CYRIB: variants seen among roughly 807,000 people sequenced by gnomAD.
The protein encoded by CYRIB is CYFIP related Rac1 interactor B.
CYRIB carries 8 observed loss-of-function variants against 44.2 expected under a neutral mutation model. The ratio of observed to expected loss-of-function variants is 0.18; its 90% CI spans 0.11 to 0.33. The LOEUF (loss-of-function observed/expected upper bound fraction) is 0.33. CYRIB is among the 10% of genes least tolerant of loss of function. CYRIB has a pLI of 1.00. For missense variants in CYRIB, 185 were observed against 382.8 expected (o/e 0.48, Z 4.31); for synonymous variants, 131 against 127.2 (o/e 1.03, Z -0.20).
exon 11 of CYRIB, chr8:129,846,805 T>G (rs2040296819): frequency 1.3e-6 from 2 of 1,593,598 alleles, no homozygotes; most frequent in Admixed American, 1.9e-5. Flanking sequence ...TATACACACC[T>G]GAGAGCATTT....
chr8:129,977,538 C>CT (rs397973101), intron 1 of CYRIB, among the ~76,000 whole-genome samples: 10,946 of 147,502 alleles, frequency 0.074, 459 homozygotes, highest in African/African-American at 0.13. Flanking sequence ...TGTCCTCACT[C>CT]TTTTTTTTTT....
intron 11 of CYRIB, among the ~76,000 whole-genome samples, chr8:129,842,824 C>T (rs34983967): frequency 0.22 from 33,213 of 152,164 alleles, 4,600 homozygotes; most frequent in East Asian, 0.51. Context: ...TTAATATCTA[C>T]TTACTCTCTG....
At chr8:129,854,483 T>G in intron 6 of CYRIB, 140 bp from the exon 9 acceptor site, 2 of 601,436 alleles carry the variant, frequency 3.3e-6, no homozygotes, top group Non-Finnish European at 5.7e-6. Context: ...ACTGGTATAA[T>G]CCAAGGTGGC....
chr8:129,866,046 T>C (rs74722799), intron 4 of CYRIB, among the ~76,000 whole-genome samples: 290 of 152,332 alleles, frequency 1.9e-3, no homozygotes, highest in African/African-American at 6.3e-3. Flanking sequence ...CAACCCACTC[T>C]GTCCACACTC....
chr8:129,877,731 A>T (rs779451534), intron 3 of CYRIB, among the ~76,000 whole-genome samples: 1 of 151,302 alleles, frequency 6.6e-6, no homozygotes, highest in Non-Finnish European at 1.5e-5. Context: ...CAGATTGGAA[A>T]GCCAAGACCA....
intron 1 of CYRIB, among the ~76,000 whole-genome samples, chr8:129,927,655 C>A (rs968455508): frequency 6.6e-6 from 1 of 152,114 alleles, no homozygotes; most frequent in African/African-American, 2.4e-5. Flanking sequence ...CAGCGACTAC[C>A]TAGGTGGTGA....
chr8:129,916,090 A>G (rs1457862487), intron 1 of CYRIB, among the ~76,000 whole-genome samples: 1 of 152,250 alleles, frequency 6.6e-6, no homozygotes, highest in Non-Finnish European at 1.5e-5. Context: ...TGAGACCCAG[A>G]AAGGTTAAAT....
intron 4 of CYRIB, among the ~76,000 whole-genome samples, chr8:129,869,389 A>C (rs941337462): frequency 7.2e-6 from 1 of 139,280 alleles, no homozygotes; most frequent in African/African-American, 2.9e-5. Context: ...CTCAAAAAAA[A>C]AAAAAAAAAA....
upstream of CYRIB, among the ~76,000 whole-genome samples, chr8:129,941,970 G>A (rs1222304254): frequency 2.0e-5 from 3 of 152,154 alleles, no homozygotes; most frequent in Non-Finnish European, 1.5e-5. Context: ...TTTTCTCTAT[G>A]GAGAGCAATA....
At chr8:129,902,581 A>G (rs1223020383) in intron 2 of CYRIB, among the ~76,000 whole-genome samples, 1 of 152,140 alleles carries the variant, frequency 6.6e-6, no homozygotes, top group East Asian at 1.9e-4. Flanking sequence ...CAGTGATGCA[A>G]TCTTGGCTCA....
At chr8:130,014,914 GA>G in intron 1 of CYRIB, among the ~76,000 whole-genome samples, 1 of 152,348 alleles carries the variant, frequency 6.6e-6, no homozygotes, top group African/African-American at 2.4e-5. Flanking sequence ...CCAGGCCTGG[GA>G]AACCATCCCA....
At chr8:129,972,018 T>C (rs967357647) in intron 1 of CYRIB, among the ~76,000 whole-genome samples, 1 of 152,336 alleles carries the variant, frequency 6.6e-6, no homozygotes. Flanking sequence ...TCTGATTAAA[T>C]CTTTAGCTGC....
intron 2 of CYRIB, among the ~76,000 whole-genome samples, chr8:129,892,129 T>C (rs1455978492): frequency 1.3e-5 from 2 of 151,974 alleles, no homozygotes; most frequent in African/African-American, 4.8e-5. Flanking sequence ...ATTTAGACCA[T>C]GAAAGCACAG....
At chr8:129,860,286 A>C (rs946292183) in intron 5 of CYRIB, among the ~76,000 whole-genome samples, 1 of 152,230 alleles carries the variant, frequency 6.6e-6, no homozygotes, top group Non-Finnish European at 1.5e-5. Context: ...ATGCTAAAAG[A>C]CCAAGATGAG....
chr8:129,891,417 T>C lies in CYRIB; in HGVS notation c.-11+11895A>G, dbSNP rs894082417. On this transcript the variant is annotated intron_variant, in intron 2 of 11. Coordinates refer to ENST00000519824, the Ensembl canonical transcript of CYRIB. ...ACTAACACTATCTAACTCACTGCTATCAAGTACTAGTTTAGCTATTAATAA... is the reference window on the plus strand; with the variant it reads ...ACTAACACTATCTAACTCACTGCTACCAAGTACTAGTTTAGCTATTAATAA... Among the ~76,000 whole-genome samples the C allele has an allele frequency of 2.6e-5, 4 of 152,226 alleles. No individual in the cohort carries two copies. The East Asian group carries it at 7.7e-4, about 29-fold the overall frequency.
intron 2 of CYRIB, among the ~76,000 whole-genome samples, chr8:129,884,269 T>C (rs951348414): frequency 2.6e-5 from 4 of 152,156 alleles, no homozygotes; most frequent in Admixed American, 6.5e-5. Context: ...TAAATACATT[T>C]GATATGAAAG....
chr8:129,921,731 T>G (rs1390056240), intron 1 of CYRIB, among the ~76,000 whole-genome samples: 2 of 152,240 alleles, frequency 1.3e-5, no homozygotes, highest in Non-Finnish European at 2.9e-5. Flanking sequence ...CATTACCCTA[T>G]GTAATAAACT....
At chr8:129,979,127 C>G (rs1038040531) in intron 1 of CYRIB, among the ~76,000 whole-genome samples, 1 of 151,946 alleles carries the variant, frequency 6.6e-6, no homozygotes, top group Non-Finnish European at 1.5e-5. Flanking sequence ...GGTGACAGAG[C>G]AAGACTCTGT....
rs750890814 is a variant in CYRIB at position 129,888,249 on chromosome 8, T to C, written c.-10-8778A>G. On this transcript the variant is annotated intron_variant, in intron 2 of 11. Coordinates refer to ENST00000519824, the Ensembl canonical transcript of CYRIB. Reference sequence around the variant, plus strand: ...ATCTCTCTTCCTCCTGCTCTGGCCATGTAAGACGTGCCACCTTCCTCTTCG... The same window carrying C: ...ATCTCTCTTCCTCCTGCTCTGGCCACGTAAGACGTGCCACCTTCCTCTTCG... Among the ~76,000 whole-genome samples the C allele has an allele frequency of 4.9e-4, 74 of 152,176 alleles. 2 individuals are homozygous for C. Among genetic ancestry groups the C allele is most frequent in the Admixed American group, 3.3e-4 (5 of 15,270 alleles).
Sources: gnomAD v4.1 joint callset for allele counts (sites outside exome capture counted in the v4.1 genomes callset) on GRCh38, gnomAD v4.1.1 for gene constraint, MANE v1.5 for transcripts, NCBI Gene and HGNC (gene_info 2026-07-23, HGNC 2026-07-21) for gene names.